SCHIP1: variants seen among roughly 807,000 people sequenced by gnomAD.
SCHIP1 encodes schwannomin interacting protein 1, also known as schwannomin-interacting protein 1.
A neutral mutation model predicts 29.7 loss-of-function variants in SCHIP1; 8 were observed. The ratio of observed to expected loss-of-function variants is 0.27; its 90% CI spans 0.16 to 0.49. The LOEUF (loss-of-function observed/expected upper bound fraction) is 0.49. SCHIP1 is among the 20% of genes least tolerant of loss of function. The pLI, the probability that SCHIP1 is intolerant of heterozygous loss-of-function variation, is 0.99. For missense variants in SCHIP1, 193 were observed against 294.6 expected, an observed-to-expected ratio of 0.66 and a Z score of 2.52; for synonymous variants, 76 against 94.9, an observed-to-expected ratio of 0.80 and a Z score of 1.16.
At chr3:159,511,008 C>T in the SCHIP1 span, among the ~76,000 whole-genome samples, 1 of 152,226 alleles carries the variant, frequency 6.6e-6, no homozygotes, top group Non-Finnish European at 1.5e-5. Flanking sequence ...CAAACAGGGA[C>T]ATTTAAGTCT....
chr3:159,806,485 C>G, the SCHIP1 span, among the ~76,000 whole-genome samples: 1 of 152,172 alleles, frequency 6.6e-6, no homozygotes, highest in African/African-American at 2.4e-5. Context: ...TTGTTTTGCT[C>G]TTAATTGACT....
chr3:159,741,955 G>A, the SCHIP1 span, among the ~76,000 whole-genome samples: 1 of 152,336 alleles, frequency 6.6e-6, no homozygotes, highest in South Asian at 2.1e-4. Flanking sequence ...AGGAGGCTGG[G>A]CACGGTGGGT....
At chr3:159,637,858 G>T in the SCHIP1 span, among the ~76,000 whole-genome samples, 4 of 152,136 alleles carry the variant, frequency 2.6e-5, no homozygotes, top group African/African-American at 9.7e-5. Context: ...TAAAATTTCT[G>T]TCCCTGAGAG....
chr3:159,716,813 A>T, the SCHIP1 span, among the ~76,000 whole-genome samples: 2 of 152,192 alleles, frequency 1.3e-5, no homozygotes, highest in Non-Finnish European at 2.9e-5. Flanking sequence ...CCCCACTGTC[A>T]ACATTAGACA....
At chr3:159,689,522 A>T in the SCHIP1 span, among the ~76,000 whole-genome samples, 4,666 of 152,250 alleles carry the variant, frequency 0.031, 110 homozygotes, top group African/African-American at 0.058. Flanking sequence ...GTTTTCTAAA[A>T]ATACAATCAT....
the SCHIP1 span, among the ~76,000 whole-genome samples, chr3:159,279,105 C>T: frequency 5.3e-5 from 8 of 152,042 alleles, no homozygotes; most frequent in South Asian, 8.3e-4. Context: ...TGGCTGTGTC[C>T]CCACCCAAAT....
chr3:159,444,905 G>C, the SCHIP1 span, among the ~76,000 whole-genome samples: 1 of 152,184 alleles, frequency 6.6e-6, no homozygotes, highest in Admixed American at 6.6e-5. Context: ...GTGAAGGTGA[G>C]CTGGGGGAAC....
chr3:159,401,050 C>A, the SCHIP1 span: 1 of 266,804 alleles, frequency 3.7e-6, no homozygotes, highest in Non-Finnish European at 5.8e-6. Context: ...GTACCTGACA[C>A]ATAATAAGGA....
chr3:159,334,559 C>T, the SCHIP1 span, among the ~76,000 whole-genome samples: 1 of 152,158 alleles, frequency 6.6e-6, no homozygotes, highest in Non-Finnish European at 1.5e-5. Context: ...TCCAAAATTT[C>T]CTCATGCTGC....
the SCHIP1 span, among the ~76,000 whole-genome samples, chr3:159,468,762 T>TA: frequency 1.6e-5 from 2 of 122,070 alleles, no homozygotes; most frequent in African/African-American, 6.7e-5. Context: ...ATATAATATA[T>TA]ATATATATAT....
the SCHIP1 span, among the ~76,000 whole-genome samples, chr3:159,452,177 A>C: frequency 6.6e-6 from 1 of 151,838 alleles, no homozygotes; most frequent in Non-Finnish European, 1.5e-5. Flanking sequence ...ACATGTGCAG[A>C]ACATGCAGGT....
the SCHIP1 span, among the ~76,000 whole-genome samples, chr3:159,708,234 A>C: frequency 6.6e-6 from 1 of 152,082 alleles, no homozygotes; most frequent in Admixed American, 6.6e-5. Context: ...CTACACACTC[A>C]CTCCAAATGT....
chr3:159,742,834 ATTTTTTTTT>A, the SCHIP1 span, among the ~76,000 whole-genome samples: 2 of 110,818 alleles, frequency 1.8e-5, no homozygotes, highest in African/African-American at 3.8e-5. Flanking sequence ...CGCCTAGCTA[ATTTTTTTTT>A]TTTTTTTTTT....
chr3:159,735,636 T>A, the SCHIP1 span, among the ~76,000 whole-genome samples: 1 of 152,110 alleles, frequency 6.6e-6, no homozygotes, highest in African/African-American at 2.4e-5. Flanking sequence ...ACTTTAAGAG[T>A]AGGTTTGCCT....
chr3:159,531,738 T>C, the SCHIP1 span, among the ~76,000 whole-genome samples: 3 of 152,354 alleles, frequency 2.0e-5, no homozygotes, highest in Middle Eastern at 0.01. Context: ...TAATGCTATA[T>C]GAGTTCAAGC....
the SCHIP1 span, among the ~76,000 whole-genome samples, chr3:159,338,020 G>A: frequency 1.3e-5 from 2 of 152,138 alleles, no homozygotes; most frequent in African/African-American, 2.4e-5. Context: ...GATGAAGTAA[G>A]AGCATGGTTC....
chr3:159,312,392 C>T, the SCHIP1 span, among the ~76,000 whole-genome samples: 11 of 151,988 alleles, frequency 7.2e-5, no homozygotes, highest in Non-Finnish European at 1.5e-4. Flanking sequence ...AGAAAGGAAG[C>T]CTTAGGTTAA....
the SCHIP1 span, among the ~76,000 whole-genome samples, chr3:159,306,908 T>C: frequency 1.3e-5 from 2 of 152,190 alleles, no homozygotes; most frequent in African/African-American, 4.8e-5. Flanking sequence ...TGTAAATGTA[T>C]TTCAAATAAT....
At chr3:159,840,242 C>T (rs1744104170) in intron 1 of SCHIP1, 14 of 1,523,384 alleles carry the variant, frequency 9.2e-6, no homozygotes, top group Admixed American at 2.0e-5. Flanking sequence ...ATTCTGAGGC[C>T]GGCATCCTTT....
Sources: allele counts gnomAD v4.1 joint callset (sites outside exome capture counted in the v4.1 genomes callset), GRCh38; gene constraint gnomAD v4.1.1; transcripts MANE v1.5; gene names NCBI Gene and HGNC (gene_info 2026-07-23, HGNC 2026-07-21).